ASCC3: variants seen among roughly 807,000 people sequenced by gnomAD.
The protein encoded by ASCC3 is ASC-1 complex subunit P200.
Under a neutral mutation model 256.3 loss-of-function variants are expected in ASCC3, and 158 were observed. The ratio of observed to expected loss-of-function variants is 0.62; its 90% CI spans 0.54 to 0.70. The LOEUF (loss-of-function observed/expected upper bound fraction) is 0.70. Among genes scored for constraint, ASCC3 ranks in the 30% least tolerant of loss-of-function variants. The probability of loss-of-function intolerance (pLI) is 0.00; values close to 1 mark genes in which losing one functional copy is unlikely to be tolerated. For missense variants in ASCC3, 2,259 were observed against 2,626.0 expected (o/e 0.86, Z 3.05); for synonymous variants, 948 against 883.4 (o/e 1.07, Z -1.30).
chr6:100,690,387 T>C (rs187843465), intron 13 of ASCC3, among the ~76,000 whole-genome samples: 1 of 152,116 alleles, frequency 6.6e-6, no homozygotes, highest in Non-Finnish European at 1.5e-5. Flanking sequence ...TGTAATGTAC[T>C]ACTGAACAAG....
chr6:100,790,169 A>T (rs1769287121), intron 8 of ASCC3, among the ~76,000 whole-genome samples: 1 of 152,034 alleles, frequency 6.6e-6, no homozygotes, highest in East Asian at 1.9e-4. Flanking sequence ...TACCTAAAGT[A>T]TATCACAAAA....
At chr6:100,842,513 T>G (rs1255898208) in intron 4 of ASCC3, among the ~76,000 whole-genome samples, 4 of 152,184 alleles carry the variant, frequency 2.6e-5, no homozygotes, top group African/African-American at 9.7e-5. Context: ...CAAAAGTATA[T>G]ATGGGAATCT....
intron 13 of ASCC3, among the ~76,000 whole-genome samples, chr6:100,698,701 C>A (rs1443798820): frequency 1.3e-5 from 2 of 152,036 alleles, no homozygotes; most frequent in East Asian, 3.9e-4. Context: ...AGAATACTGA[C>A]ATTCTTTCAT....
At chr6:100,675,815 G>A (rs1021671586) in intron 14 of ASCC3, among the ~76,000 whole-genome samples, 1 of 152,164 alleles carries the variant, frequency 6.6e-6, no homozygotes, top group Non-Finnish European at 1.5e-5. Flanking sequence ...AGGGATGGGT[G>A]GGAATACTCA....
At chr6:100,606,916 A>G in intron 31 of ASCC3, 35 bp downstream of exon 31, 2 of 1,610,892 alleles carry the variant, frequency 1.2e-6, no homozygotes, top group East Asian at 4.5e-5. Context: ...TTTAAGTTAC[A>G]TTTAAATATG....
rs1249467843 is a variant in ASCC3 at position 100,585,200 on chromosome 6, G to A, written c.5550+4434C>T. On this transcript the variant is annotated intron_variant, in intron 36 of 41. Transcript: ENST00000369162. ...TTTCCAAATTGGTTCCATTCTCCCC[G>A]TCATTTTCAGGTACACCAATCAGAC... Among the ~76,000 whole-genome samples, 8 of 152,056 alleles carry A rather than the reference G, an allele frequency of 5.3e-5. No homozygotes were observed. The East Asian group carries it at 7.7e-4, about 15-fold the overall frequency.
rs1775400510 is a variant in ASCC3, at chr6:100,646,739, A to C, written c.3509T>G (p.Leu1170Arg). The C allele has an allele frequency of 1.9e-6, 3 of 1,614,024 alleles. No individual in the cohort carries two copies. Among genetic ancestry groups the C allele is most frequent in the Non-Finnish European group, 2.5e-6 (3 of 1,179,904 alleles). ...CTGATGAACACATTGTTTGACCTTC[A>C]GTCCAATATTCACATGATGTAAAAT... ...GHILHHVNIG[L>R]KVKQCVHQIP... Residue 1170 changes from leucine to arginine, a missense_variant, in exon 22 of 42, where the codon CTG (leucine) becomes CGG (arginine). This residue lies in a region of ASCC3 where 1,839 missense variants were observed against 2,206.7 expected (regional missense o/e 0.83). Coordinates refer to ENST00000369162, the MANE Select transcript of ASCC3 (RefSeq NM_006828.4).
chr6:100,822,197 C>T lies in ASCC3; in HGVS notation c.802-16317G>A, dbSNP rs185362434. Among the ~76,000 whole-genome samples the T allele has an allele frequency of 3.8e-3, 571 of 152,246 alleles. 3 individuals carry two copies. Among genetic ancestry groups the T allele is most frequent in the Middle Eastern group, 0.014 (4 of 294 alleles). On this transcript the variant is annotated intron_variant, in intron 4 of 41. Transcript: ENST00000369162. ...TGAACTATGAATCAATTAAGCTATG[C>T]TTTAAAGCTTACAAACCAAAATGAC... is the stretch of plus-strand genomic sequence containing the variant.
chr6:100,604,607 T>A (rs1375292397), intron 33 of ASCC3, among the ~76,000 whole-genome samples: 1 of 147,516 alleles, frequency 6.8e-6, no homozygotes, highest in Non-Finnish European at 1.5e-5. Context: ...CTGGCTAACT[T>A]TTTTTTTTTT....
At chr6:100,744,272 C>A (rs1266091464) in intron 10 of ASCC3, among the ~76,000 whole-genome samples, 4 of 151,976 alleles carry the variant, frequency 2.6e-5, no homozygotes, top group African/African-American at 4.8e-5. Flanking sequence ...CCAAATAGAG[C>A]ACTGGGAAGG....
intron 14 of ASCC3, among the ~76,000 whole-genome samples, chr6:100,662,955 T>C (rs1776297387): frequency 6.6e-6 from 1 of 152,016 alleles, no homozygotes; most frequent in Non-Finnish European, 1.5e-5. Flanking sequence ...CCTTACCTCA[T>C]CCACACTAGC....
At chr6:100,671,336 G>A (rs891121885) in intron 14 of ASCC3, among the ~76,000 whole-genome samples, 6 of 151,918 alleles carry the variant, frequency 3.9e-5, no homozygotes, top group Non-Finnish European at 5.9e-5. Flanking sequence ...AGCACTACAC[G>A]GAGCCCAGGT....
In ASCC3 at chr6:100,725,609, T is replaced by A. The variant is rs779568339; in HGVS notation, c.1832A>T (p.Asp611Val). 1.6e-5 allele frequency: 25 copies of A among 1,612,752 alleles called. No individual in the cohort carries two copies. The highest frequency in any genetic ancestry group is 2.0e-5 in the Non-Finnish European group (24 of 1,179,226). The change falls in exon 11 of 42, where the codon GAT becomes GTT. Residue 611 changes from aspartate (D) to valine (V), a missense_variant. Around this residue, in one of 2 missense-constraint regions of ASCC3, gnomAD observed 1,839 missense variants for 2,206.7 expected, o/e 0.83. Coordinates refer to ENST00000369162, the MANE Select transcript of ASCC3 (RefSeq NM_006828.4). ...ATCTTCATGCAGCAAATGAACTTCA[T>A]CAAGAATAAGGAGCCTTACAATCTG... ...LSQIVRLLILDEVHLLHEDRG... is the reference protein window; with the variant it reads ...LSQIVRLLILVEVHLLHEDRG...
At chr6:100,728,856 G>A (rs1033703879) in intron 10 of ASCC3, among the ~76,000 whole-genome samples, 2 of 152,064 alleles carry the variant, frequency 1.3e-5, no homozygotes, top group Non-Finnish European at 2.9e-5. Flanking sequence ...GTTTATGGGG[G>A]CATATGTTAG....
intron 13 of ASCC3, among the ~76,000 whole-genome samples, chr6:100,686,218 TAGTA>T (rs1256334409): frequency 2.6e-5 from 4 of 152,222 alleles, no homozygotes; most frequent in African/African-American, 9.6e-5. Flanking sequence ...GTGTGGTACA[TAGTA>T]AGTGATCAAC....
chr6:100,652,183 C>G (rs188103639), intron 18 of ASCC3, among the ~76,000 whole-genome samples: 37 of 152,086 alleles, frequency 2.4e-4, no homozygotes, highest in African/African-American at 8.4e-4. Context: ...TGCAAAAGAA[C>G]AGCAAACAGG....
intron 36 of ASCC3, among the ~76,000 whole-genome samples, chr6:100,560,032 G>A (rs1431288846): frequency 6.6e-6 from 1 of 152,062 alleles, no homozygotes; most frequent in Non-Finnish European, 1.5e-5. Context: ...AAAATAGAAT[G>A]GTTATACATT....
chr6:100,526,355 G>A (rs1179210329), intron 37 of ASCC3, among the ~76,000 whole-genome samples: 1 of 152,210 alleles, frequency 6.6e-6, no homozygotes, highest in Non-Finnish European at 1.5e-5. Context: ...ACCGGGAAAA[G>A]GGTTGTTATG....
intron 4 of ASCC3, among the ~76,000 whole-genome samples, chr6:100,809,100 G>A (rs1770331173): frequency 6.6e-6 from 1 of 151,802 alleles, no homozygotes; most frequent in African/African-American, 2.4e-5. Flanking sequence ...TGAATGTGAA[G>A]GCCTAGGATG....
Sources: allele counts gnomAD v4.1 joint callset (sites outside exome capture counted in the v4.1 genomes callset), GRCh38; gene constraint gnomAD v4.1.1; regional missense constraint gnomAD v4.1.1; transcripts MANE v1.5; gene names NCBI Gene and HGNC (gene_info 2026-07-23, HGNC 2026-07-21).